Variants in PPP1R26 observed in about 807,000 individuals in gnomAD.
PPP1R26 encodes the protein protein phosphatase 1 regulatory subunit 26, also known as 1A6/DRIM (down-regulated in metastasis) interacting protein.
PPP1R26 carries 22 observed loss-of-function variants against 67.6 expected under a neutral mutation model. The ratio of observed to expected loss-of-function variants is 0.33; its 90% CI spans 0.23 to 0.46. The LOEUF (loss-of-function observed/expected upper bound fraction) is 0.46, where lower values mean the gene tolerates loss of function less well. PPP1R26 is among the 20% of genes least tolerant of loss of function. The pLI is 1.00. For missense variants in PPP1R26, 1,602 were observed against 1,651.4 expected (o/e 0.97, Z 0.52); for synonymous variants, 729 against 717.2 (o/e 1.02, Z -0.26).
rs562336070 is a variant in PPP1R26 at position 135,486,489 on chromosome 9, G to T, written c.1979G>T (p.Arg660Leu). The change falls in exon 4 of 4, where the codon CGC becomes CTC. Residue 660 changes from arginine to leucine, a missense_variant. Transcript: ENST00000356818. This position sits in a 1 kb window ranked among gnomAD's most constrained non-coding sequence, Gnocchi z 6.2. ...ACCGCCAGGGGCCCTGGCGACACTC[G>T]CATGTCACAGGGCCAGGGTAAGACA... ...EGTARGPGDT[R>L]MSQGQGKTDE... The T allele has an allele frequency of 2.5e-6, 4 of 1,612,868 alleles. No individual in the cohort carries two copies. In the South Asian group the frequency reaches 4.4e-5, roughly 18 times the overall value.
chr9:135,486,053 C>T lies in PPP1R26; in HGVS notation c.1543C>T (p.Pro515Ser), dbSNP rs774558866. ...SLSASPLFYSPNVPSRSDGDS... is the reference protein window; with the variant it reads ...SLSASPLFYSSNVPSRSDGDS... Reference sequence around the variant, plus strand: ...GTCCGCAAGCCCACTCTTCTACTCCCCGAACGTGCCTTCCCGCTCTGACGG... The same window carrying T: ...GTCCGCAAGCCCACTCTTCTACTCCTCGAACGTGCCTTCCCGCTCTGACGG... Residue 515 changes from proline (P) to serine (S), a missense_variant, in exon 4 of 4, where the codon CCG becomes TCG. Pro to Ser is a moderately conservative substitution (Grantham distance 74). Transcript: ENST00000356818. This position sits in a 1 kb window ranked among gnomAD's most constrained non-coding sequence, Gnocchi z 6.2. 3 of 1,613,184 alleles carry T rather than the reference C, an allele frequency of 1.9e-6. No homozygotes were observed. The highest frequency in any genetic ancestry group is 1.1e-5 in the South Asian group (1 of 91,078).
chr9:135,484,122 C>T (rs1310973682), intron 3 of PPP1R26, 40 bp downstream of exon 3: 1 of 414,648 alleles, frequency 2.4e-6, no homozygotes, highest in African/African-American at 2.0e-5. Flanking sequence ...AAGGTGGAAG[C>T]CCGGAGTGAG....
Position 135,485,034 on chromosome 9 carries a change from A to C in PPP1R26, c.524A>C (p.Glu175Ala). The C allele has an allele frequency of 6.3e-7, 1 of 1,595,822 alleles. No individual in the cohort carries two copies. The highest frequency in any genetic ancestry group is 8.5e-7 in the Non-Finnish European group (1 of 1,172,084). The change falls in exon 4 of 4, where the codon GAA (glutamate) becomes GCA (alanine). Residue 175 changes from glutamate (E) to alanine (A), a missense_variant. Glu to Ala is a moderately radical substitution (Grantham distance 107). Coordinates refer to ENST00000356818, the MANE Select transcript of PPP1R26 (RefSeq NM_014811.5). The surrounding 1 kb of genome is among the most constrained non-coding windows in gnomAD (Gnocchi z 7.2). Reference sequence around the variant, plus strand: ...GGCGGAGGCAGTAGATGTAAGCCGGAACCGGCTCACGGCAGTGCCCCGACT... The same window carrying C: ...GGCGGAGGCAGTAGATGTAAGCCGGCACCGGCTCACGGCAGTGCCCCGACT... ...AAGGGSRCKP[E>A]PAHGSAPTAL...
In PPP1R26 at chr9:135,486,814, A is replaced by G; in HGVS notation, c.2304A>G (p.Lys768=). 6.2e-7 allele frequency: 1 copy of G among 1,606,020 alleles called. No individual in the cohort carries two copies. The highest frequency in any genetic ancestry group is 8.5e-7 in the Non-Finnish European group (1 of 1,177,208). Residue 768 remains lysine, a synonymous_variant, in exon 4 of 4, where the codon AAA becomes AAG. Transcript: ENST00000356818. This position sits in a 1 kb window ranked among gnomAD's most constrained non-coding sequence, Gnocchi z 6.2. The part of the protein sequence containing the change: ...KRDSGEGPGK[K]PPSVFGSTAE... ...ACAGTGGCGAGGGTCCTGGGAAGAA[A>G]CCCCCCAGTGTCTTTGGCAGCACGG...
rs1417144101 is a variant in PPP1R26, at chr9:135,487,149, A to C, written c.2639A>C (p.Lys880Thr). Residue 880 changes from lysine to threonine, a missense_variant, in exon 4 of 4, where the codon AAG (lysine) becomes ACG (threonine). By Grantham distance (78) the Lys-to-Thr change is moderately conservative. Around this residue, in one of 5 missense-constraint regions of PPP1R26, gnomAD observed 740 missense variants for 696.3 expected, o/e 1.06. Transcript: ENST00000356818. ...GCCAGGCCAGAGGTGCTGTGCAGGA[A>C]GGAGCCTGCCCCACCGCCTGGCGTG... Reference protein sequence around the residue: ...GPARPEVLCRKEPAPPPGVCT... With the variant: ...GPARPEVLCRTEPAPPPGVCT... 1.2e-6 allele frequency: 2 copies of C among 1,609,602 alleles called. No homozygotes were observed. The highest frequency in any genetic ancestry group is 1.7e-6 in the Non-Finnish European group (2 of 1,178,078).
chr9:135,479,084 C>T (rs1830424542), upstream of PPP1R26: 1 of 152,320 alleles, frequency 6.6e-6, no homozygotes, highest in African/African-American at 2.4e-5. This position sits in a 1 kb window ranked among gnomAD's most constrained non-coding sequence, Gnocchi z 5.9. Context: ...CAGTGCACAG[C>T]AGAAGCAGAA....
At chr9:135,482,097 T>C (rs1490523470) in intron 1 of PPP1R26, among the ~76,000 whole-genome samples, 1 of 152,226 alleles carries the variant, frequency 6.6e-6, no homozygotes, top group African/African-American at 2.4e-5. Context: ...GACACTGACT[T>C]GGGCCGGTTT....
intron 1 of PPP1R26, among the ~76,000 whole-genome samples, chr9:135,480,981 G>C (rs1830496374): frequency 6.6e-6 from 1 of 152,154 alleles, no homozygotes. Flanking sequence ...CTCACAGGTG[G>C]GCAGACTGTT....
chr9:135,487,249 A>G lies in PPP1R26; in HGVS notation c.2739A>G (p.Ala913=), dbSNP rs745311915. 1.9e-6 allele frequency: 3 copies of G among 1,575,010 alleles called. No homozygotes were observed. Among genetic ancestry groups the G allele is most frequent in the South Asian group, 2.4e-5 (2 of 84,006 alleles). Residue 913 remains alanine (A), a synonymous_variant, in exon 4 of 4, where the codon GCA becomes GCG. Transcript: ENST00000356818. ...TTCGAGGCACAGAGAGCGCAGGAGC[A>G]CAGGGCACAGCTGGTCTGTTCAGCC... The part of the protein sequence containing the change: ...EGLRGTESAG[A]QGTAGLFSQG...
upstream of PPP1R26, among the ~76,000 whole-genome samples, chr9:135,479,504 C>G (rs1279484151): frequency 1.3e-5 from 2 of 148,792 alleles, no homozygotes; most frequent in African/African-American, 4.9e-5. This position sits in a 1 kb window ranked among gnomAD's most constrained non-coding sequence, Gnocchi z 5.9. Flanking sequence ...CGGCCCGGCC[C>G]AAGCGCCTTC....
Position 135,486,671 on chromosome 9 carries a change from A to C in PPP1R26, c.2161A>C (p.Lys721Gln). ...GGAGCCCAGGGCTGCGTGCAGGAAGAAGGTCAGGTTCAGCACAGCCCAGAC... is the reference window on the plus strand; with the variant it reads ...GGAGCCCAGGGCTGCGTGCAGGAAGCAGGTCAGGTTCAGCACAGCCCAGAC... Reference protein sequence around the residue: ...CREPRAACRKKVRFSTAQTHF... With the variant: ...CREPRAACRKQVRFSTAQTHF... Residue 721 changes from lysine (K) to glutamine (Q), a missense_variant, in exon 4 of 4, where the codon AAG becomes CAG. Lys to Gln is a moderately conservative substitution (Grantham distance 53, BLOSUM62 1). Coordinates refer to ENST00000356818, the MANE Select transcript of PPP1R26 (RefSeq NM_014811.5). The surrounding 1 kb of genome is among the most constrained non-coding windows in gnomAD (Gnocchi z 6.2). 1 of 1,607,560 alleles carries C rather than the reference A, an allele frequency of 6.2e-7. No individual in the cohort carries two copies. Among genetic ancestry groups the C allele is most frequent in the Non-Finnish European group, 8.5e-7 (1 of 1,177,630 alleles).
chr9:135,486,204 C>T lies in PPP1R26; in HGVS notation c.1694C>T (p.Pro565Leu). The T allele has an allele frequency of 6.2e-7, 1 of 1,613,020 alleles. No homozygotes were observed. The highest frequency in any genetic ancestry group is 1.1e-5 in the South Asian group (1 of 91,080). ...AGCTGCCCGCAGGCTGCCCAGGGTC[C>T]ACTTTTGCCGCCTGGCCTCAACAGC... ...GESCPQAAQG[P>L]LLPPGLNSQT... The change falls in exon 4 of 4, where the codon CCA becomes CTA. Residue 565 changes from proline to leucine, a missense_variant. Pro to Leu is a moderately conservative substitution (Grantham distance 98, BLOSUM62 -3). This residue lies in a region of PPP1R26 where 680 missense variants were observed against 726.1 expected (regional missense o/e 0.94). Coordinates refer to ENST00000356818, the MANE Select transcript of PPP1R26 (RefSeq NM_014811.5). This position sits in a 1 kb window ranked among gnomAD's most constrained non-coding sequence, Gnocchi z 6.2.
chr9:135,480,447 G>A (rs1294214300), intron 1 of PPP1R26: 1 of 152,258 alleles, frequency 6.6e-6, no homozygotes, highest in Non-Finnish European at 1.5e-5. Flanking sequence ...TCGGATCCCA[G>A]AAACATAACT....
rs746630484 is a variant in PPP1R26, at chr9:135,487,240, C to T, written c.2730C>T (p.Ser910=). The T allele has an allele frequency of 3.8e-6, 6 of 1,578,654 alleles. No homozygotes were observed. Among genetic ancestry groups the T allele is most frequent in the South Asian group, 2.4e-5 (2 of 84,902 alleles). The change falls in exon 4 of 4, where the codon AGC becomes AGT. Residue 910 remains serine, a synonymous_variant. Coordinates refer to ENST00000356818, the MANE Select transcript of PPP1R26 (RefSeq NM_014811.5). ...CCGAAGGGCTTCGAGGCACAGAGAG[C>T]GCAGGAGCACAGGGCACAGCTGGTC... ...HLAEGLRGTE[S]AGAQGTAGLF...
rs115289342 is a variant in PPP1R26 at position 135,488,579 on chromosome 9, A to G, written c.*439A>G. Reference sequence around the variant, plus strand: ...GGCCAAGCTGCCCTCCCTGGGAATCACTCAGATGCCCCAAGATGTCCGTTG... The same window carrying G: ...GGCCAAGCTGCCCTCCCTGGGAATCGCTCAGATGCCCCAAGATGTCCGTTG... On this transcript the variant is annotated 3_prime_UTR_variant, in exon 4 of 4. Transcript: ENST00000356818. 0.049 allele frequency: 8,157 copies of G among 167,838 alleles called. 634 individuals are homozygous for G. The highest frequency in any genetic ancestry group is 0.17 in the African/African-American group (7,267 of 41,536). 10.4% of individuals were successfully genotyped at this position (167,838 alleles called of 1,614,324 possible). A position where few individuals can be genotyped will look rare whatever the true frequency, so the allele number is the denominator to read the frequency against.
rs1223830911 is a variant in PPP1R26 at position 135,487,700 on chromosome 9, G to A, written c.3190G>A (p.Glu1064Lys). ...CGGGAGCGAGAGAGACAAGGGGTCC[G>A]AGGGCCCCGCCCGGGGCCTGCCCAG... ...GVGSERDKGS[E>K]GPARGLPSLP... Residue 1064 changes from glutamate to lysine, a missense_variant, in exon 4 of 4, where the codon GAG becomes AAG. Physicochemically the swap from Glu to Lys is moderately conservative, Grantham distance 56. Transcript: ENST00000356818. 6 of 1,451,692 alleles carry A rather than the reference G, an allele frequency of 4.1e-6. No individual in the cohort carries two copies. The highest frequency in any genetic ancestry group is 2.5e-5 in the East Asian group (1 of 40,370). 89.9% of individuals were successfully genotyped at this position (1,451,692 alleles called of 1,614,324 possible). A position where few individuals can be genotyped will look rare whatever the true frequency, so the allele number is the denominator to read the frequency against.
chr9:135,480,472 C>A (rs1311107672), intron 1 of PPP1R26: 1 of 152,204 alleles, frequency 6.6e-6, no homozygotes, highest in Non-Finnish European at 1.5e-5. Context: ...GGGTGCAGAC[C>A]TGCTTGGAGG....
At position 135,486,254 on chromosome 9, in the gene PPP1R26, C is replaced by G; in HGVS notation, c.1744C>G (p.Leu582Val). Reference sequence around the variant, plus strand: ...CCAGACCGGCGGCCACAAGACCCCTCTCTCTAAAACACCAGACCCACTGCT... The same window carrying G: ...CCAGACCGGCGGCCACAAGACCCCTGTCTCTAAAACACCAGACCCACTGCT... ...NSQTGGHKTP[L>V]SKTPDPLLGC... The change falls in exon 4 of 4, where the codon CTC becomes GTC. Residue 582 changes from leucine to valine, a missense_variant. Leu to Val is a conservative substitution (Grantham distance 32). Transcript: ENST00000356818. The surrounding 1 kb of genome is among the most constrained non-coding windows in gnomAD (Gnocchi z 6.2). 6.2e-7 allele frequency: 1 copy of G among 1,612,964 alleles called. No individual in the cohort carries two copies. Among genetic ancestry groups the G allele is most frequent in the Non-Finnish European group, 8.5e-7 (1 of 1,180,024 alleles).
chr9:135,487,537 C>T lies in PPP1R26; in HGVS notation c.3027C>T (p.Pro1009=), dbSNP rs773025937. The change falls in exon 4 of 4, where the codon CCC becomes CCT. Residue 1009 remains proline (P), a synonymous_variant. Transcript: ENST00000356818. The stretch of plus-strand genomic sequence containing the variant: ...GCGGGAGCCCGAGCTTCCTGACCCC[C>T]AGCCCGGGAGCGGAGAGGGACGCTG... The part of the protein sequence containing the change: ...MGCGSPSFLT[P]SPGAERDAGA... 23 of 1,590,200 alleles carry T rather than the reference C, an allele frequency of 1.4e-5. No homozygotes were observed. The highest frequency in any genetic ancestry group is 3.9e-4 in the Middle Eastern group (2 of 5,148).
Sources: allele counts gnomAD v4.1 joint callset (sites outside exome capture counted in the v4.1 genomes callset), GRCh38; gene constraint gnomAD v4.1.1; regional missense constraint gnomAD v4.1.1; non-coding constraint Gnocchi (gnomAD v3.1); transcripts MANE v1.5; gene names NCBI Gene and HGNC (gene_info 2026-07-23, HGNC 2026-07-21).